NAALADL2: variants seen among roughly 807,000 people sequenced by gnomAD.
The protein encoded by NAALADL2 is inactive N-acetylated-alpha-linked acidic dipeptidase-like protein 2.
In NAALADL2, 76 loss-of-function variants were observed where a neutral mutation model predicts 87.2. That is an observed-to-expected ratio of 0.87 (90% CI 0.72 to 1.05). The LOEUF (loss-of-function observed/expected upper bound fraction) is 1.05. NAALADL2 is among the 50% of genes least tolerant of loss of function. NAALADL2 has a pLI of 0.00. For missense variants in NAALADL2, 1,089 were observed against 945.8 expected (o/e 1.15, Z -1.99); for synonymous variants, 354 against 331.0 (o/e 1.07, Z -0.75).
At chr3:174,750,263 A>G (rs1734691075) in intron 3 of NAALADL2, among the ~76,000 whole-genome samples, 1 of 152,186 alleles carries the variant, frequency 6.6e-6, no homozygotes, top group African/African-American at 2.4e-5. Flanking sequence ...TTATCTGGGC[A>G]AATATCGCCA....
intron 2 of NAALADL2, among the ~76,000 whole-genome samples, chr3:174,715,910 G>T (rs1731140032): frequency 6.6e-6 from 1 of 152,020 alleles, no homozygotes; most frequent in Non-Finnish European, 1.5e-5. Context: ...AGAAACTGGT[G>T]TGTTTTATTT....
intron 3 of NAALADL2, among the ~76,000 whole-genome samples, chr3:175,234,407 G>T (rs1004862271): frequency 6.6e-6 from 1 of 152,158 alleles, no homozygotes; most frequent in African/African-American, 2.4e-5. Context: ...AAACATGTTA[G>T]AAAAATTTAA....
At chr3:175,750,221 C>T (rs1746463156) in intron 12 of NAALADL2, among the ~76,000 whole-genome samples, 1 of 152,092 alleles carries the variant, frequency 6.6e-6, no homozygotes, top group Non-Finnish European at 1.5e-5. Flanking sequence ...CACCACATTG[C>T]CTCATGAACT....
intron 5 of NAALADL2, among the ~76,000 whole-genome samples, chr3:175,407,041 A>G (rs6762173): frequency 0.68 from 102,578 of 151,596 alleles, 34,887 homozygotes; most frequent in East Asian, 0.81. Context: ...AAAATTAGCC[A>G]GGTGTAGTGG....
chr3:174,755,480 T>C (rs1174521103), intron 3 of NAALADL2, among the ~76,000 whole-genome samples: 1 of 152,204 alleles, frequency 6.6e-6, no homozygotes, highest in African/African-American at 2.4e-5. Flanking sequence ...ATATTAACCT[T>C]GATACATTTC....
chr3:175,221,934 C>T lies in NAALADL2; in HGVS notation c.546-11997C>T, dbSNP rs958923375. Among the ~76,000 whole-genome samples, 3 of 152,014 alleles carry T rather than the reference C, an allele frequency of 2.0e-5. No homozygotes were observed. The East Asian group carries it at 5.8e-4, about 29-fold the overall frequency. ...GAACTACTGGTGCTCACCACCACAC[C>T]TGGCTAATTTTTGTGTGTGTGTATT... On this transcript the variant is annotated intron_variant, in intron 2 of 13. Transcript: ENST00000454872.
intron 3 of NAALADL2, among the ~76,000 whole-genome samples, chr3:174,846,919 T>C (rs905950407): frequency 1.3e-5 from 2 of 152,070 alleles, no homozygotes; most frequent in Middle Eastern, 3.2e-3. Context: ...ATTTAGGGAA[T>C]TGTTCTCCAG....
chr3:175,535,889 T>TATCTC, intron 9 of NAALADL2, among the ~76,000 whole-genome samples: 1 of 152,328 alleles, frequency 6.6e-6, no homozygotes, highest in African/African-American at 2.4e-5. Context: ...TTGTATATAG[T>TATCTC]ATCTCATTTC....
At chr3:174,637,033 A>G (rs1722717866) in intron 2 of NAALADL2, among the ~76,000 whole-genome samples, 1 of 152,186 alleles carries the variant, frequency 6.6e-6, no homozygotes, top group South Asian at 2.1e-4. Context: ...CGTGGATAGA[A>G]CTGGAAGTCA....
At chr3:174,856,837 C>T (rs1482553037), upstream of NAALADL2, among the ~76,000 whole-genome samples, 2 of 152,128 alleles carry the variant, frequency 1.3e-5, no homozygotes, top group African/African-American at 4.8e-5. Context: ...ACACCTCAGA[C>T]TGCAAAAGTT....
In NAALADL2 at chr3:175,804,968, C is replaced by A. The variant is rs1379227411; in HGVS notation, c.*1765C>A. The A allele has an allele frequency of 6.6e-6, 1 of 151,750 alleles. No homozygotes were observed. The highest frequency in any genetic ancestry group is 1.5e-5 in the Non-Finnish European group (1 of 67,860). The allele number at this position is 151,750 out of a possible 1,614,324, so 9.4% of individuals were successfully genotyped here. A position where few individuals can be genotyped will look rare whatever the true frequency, so the allele number is the denominator to read the frequency against. On this transcript the variant is annotated 3_prime_UTR_variant, in exon 14 of 14. Transcript: ENST00000454872. ...AATGTATTTGTTTGCAAACATTTGC[C>A]ATGTTGAAGAGTGTGTATAGGAAAG...
intron 11 of NAALADL2, among the ~76,000 whole-genome samples, chr3:175,735,405 T>C (rs1744362292): frequency 6.6e-6 from 1 of 152,200 alleles, no homozygotes; most frequent in Non-Finnish European, 1.5e-5. Flanking sequence ...GCTTCCACAT[T>C]TTCAGGTATC....
chr3:175,077,937 C>A (rs999297816), intron 1 of NAALADL2, among the ~76,000 whole-genome samples: 3 of 151,948 alleles, frequency 2.0e-5, no homozygotes, highest in African/African-American at 7.2e-5. Context: ...CTCTGTACAC[C>A]ATTTTTGCTC....
chr3:175,327,033 C>G (rs891323681), intron 5 of NAALADL2, among the ~76,000 whole-genome samples: 2 of 151,338 alleles, frequency 1.3e-5, no homozygotes, highest in Non-Finnish European at 2.9e-5. Flanking sequence ...TAATTTAGAA[C>G]AACCCAAAAT....
chr3:174,862,247 C>A (rs911537029), intron 1 of NAALADL2, among the ~76,000 whole-genome samples: 1 of 151,994 alleles, frequency 6.6e-6, no homozygotes, highest in Non-Finnish European at 1.5e-5. Context: ...ATAATGCCTG[C>A]AAACTCACCT....
chr3:174,623,219 A>G (rs1721212492), intron 2 of NAALADL2, among the ~76,000 whole-genome samples: 1 of 152,246 alleles, frequency 6.6e-6, no homozygotes, highest in African/African-American at 2.4e-5. Context: ...TAGCATCCAC[A>G]GCATTTTAAG....
intron 1 of NAALADL2, among the ~76,000 whole-genome samples, chr3:174,990,267 A>G (rs1435142785): frequency 6.6e-6 from 1 of 152,158 alleles, no homozygotes; most frequent in Non-Finnish European, 1.5e-5. Context: ...TTGCTGTTTT[A>G]TCTGATCATG....
At chr3:175,026,003 G>A (rs978890534) in intron 1 of NAALADL2, among the ~76,000 whole-genome samples, 1 of 151,950 alleles carries the variant, frequency 6.6e-6, no homozygotes, top group Non-Finnish European at 1.5e-5. Flanking sequence ...TAAAGACGGG[G>A]TCTCCCTATG....
At chr3:175,621,101 C>CA (rs201298290) in intron 10 of NAALADL2, among the ~76,000 whole-genome samples, 8 of 152,234 alleles carry the variant, frequency 5.3e-5, no homozygotes, top group African/African-American at 1.9e-4. Flanking sequence ...CAGAAGCTCT[C>CA]ACTCCGTCAC....
Sources: allele counts gnomAD v4.1 joint callset (sites outside exome capture counted in the v4.1 genomes callset), GRCh38; gene constraint gnomAD v4.1.1; transcripts MANE v1.5; gene names NCBI Gene and HGNC (gene_info 2026-07-23, HGNC 2026-07-21).